KIF3B: variants seen among roughly 807,000 people sequenced by gnomAD.
KIF3B encodes kinesin family member 3B.
Under a neutral mutation model 74.3 loss-of-function variants are expected in KIF3B, and 38 were observed. The observed-to-expected ratio is 0.51, with a 90% confidence interval of 0.39 to 0.67. The LOEUF is 0.67. KIF3B is among the 30% of genes least tolerant of loss of function. The pLI is 0.00. For missense variants in KIF3B, 649 were observed against 932.0 expected (o/e 0.70, Z 3.95); for synonymous variants, 326 against 342.5 (o/e 0.95, Z 0.53).
At chr20:32,306,581 C>CTTTTTTTT (rs935086574) in intron 1 of KIF3B, among the ~76,000 whole-genome samples, 1 of 82,842 alleles carries the variant, frequency 1.2e-5, no homozygotes, top group Non-Finnish European at 2.2e-5. Flanking sequence ...AGTTTTTCCT[C>CTTTTTTTT]TTTTTTTTTT....
chr20:32,297,039 C>T (rs1240743745), intron 1 of KIF3B, among the ~76,000 whole-genome samples: 5 of 152,032 alleles, frequency 3.3e-5, no homozygotes, highest in Non-Finnish European at 5.9e-5. Context: ...ACAGCTGCTT[C>T]CCCCGAGAGA....
intron 1 of KIF3B, among the ~76,000 whole-genome samples, chr20:32,284,964 G>C (rs1349618790): frequency 6.6e-6 from 1 of 152,132 alleles, no homozygotes; most frequent in Non-Finnish European, 1.5e-5. Flanking sequence ...GACATCTGCT[G>C]ACTCCAAGTC....
At chr20:32,280,981 T>A (rs188258779) in intron 1 of KIF3B, among the ~76,000 whole-genome samples, 1 of 152,298 alleles carries the variant, frequency 6.6e-6, no homozygotes, top group Non-Finnish European at 1.5e-5. Context: ...CTAATCTGTT[T>A]TGTTGTGTCC....
chr20:32,281,654 C>T (rs1312312469), intron 1 of KIF3B, among the ~76,000 whole-genome samples: 1 of 152,106 alleles, frequency 6.6e-6, no homozygotes, highest in Non-Finnish European at 1.5e-5. Flanking sequence ...GAAGCAGAGG[C>T]TGCAGTAAGC....
chr20:32,316,773 G>A lies in KIF3B; in HGVS notation c.1647G>A (p.Gln549=). ...KKLKKLFSKL[Q]AVKAEIHDLQ... is the part of the protein sequence containing the mutation. ...CATTCCAGCTCTTCTCCAAGCTTCA[G>A]GCAGTGAAGGCTGAGATCCATGACC... The change falls in exon 5 of 9, where the codon CAG becomes CAA. Residue 549 remains glutamine (Q), a synonymous_variant. Transcript: ENST00000375712. 3 of 1,614,056 alleles carry A rather than the reference G, an allele frequency of 1.9e-6. No homozygotes were observed. Among genetic ancestry groups the A allele is most frequent in the Non-Finnish European group, 2.5e-6 (3 of 1,179,978 alleles).
At chr20:32,328,876 T>G (rs1359868652) in intron 7 of KIF3B, among the ~76,000 whole-genome samples, 1 of 152,142 alleles carries the variant, frequency 6.6e-6, no homozygotes, top group African/African-American at 2.4e-5. Flanking sequence ...AACTCTGCCA[T>G]GAGAGCCTCT....
At chr20:32,287,306 A>C (rs553922642) in intron 1 of KIF3B, among the ~76,000 whole-genome samples, 127 of 151,766 alleles carry the variant, frequency 8.4e-4, no homozygotes, top group Non-Finnish European at 1.3e-3. Flanking sequence ...GTGAGCCACC[A>C]GGCCCAATCT....
intron 1 of KIF3B, among the ~76,000 whole-genome samples, chr20:32,283,140 G>A (rs942874155): frequency 6.6e-6 from 1 of 152,132 alleles, no homozygotes; most frequent in African/African-American, 2.4e-5. Flanking sequence ...GGGCTCAAGT[G>A]ATCCTTCTAC....
rs1189487787 is a variant in KIF3B, at chr20:32,310,907, G to A, written c.1130G>A (p.Arg377Lys). 6.2e-7 allele frequency: 1 copy of A among 1,613,816 alleles called. No homozygotes were observed. Among genetic ancestry groups the A allele is most frequent in the Non-Finnish European group, 8.5e-7 (1 of 1,179,992 alleles). Residue 377 changes from arginine to lysine, a missense_variant, in exon 2 of 9, where the codon AGG (arginine) becomes AAG (lysine). By Grantham distance (26) the Arg-to-Lys change is conservative. Coordinates refer to ENST00000375712, the MANE Select transcript of KIF3B (RefSeq NM_004798.4). This position sits in a 1 kb window ranked among gnomAD's most constrained non-coding sequence, Gnocchi z 6.5. The part of the protein sequence containing the change: ...AQLEKRSIGR[R>K]KRREKRREGG... ...CTGGAAAAACGGTCCATTGGTAGGA[G>A]GAAGAGGCGAGAGAAGCGGAGGGAA...
intron 2 of KIF3B, among the ~76,000 whole-genome samples, chr20:32,312,738 A>G (rs8123269): frequency 0.015 from 2,272 of 152,182 alleles, 46 homozygotes; most frequent in African/African-American, 0.05. Context: ...TCTGCTGTGA[A>G]TGCTCTTGTG....
chr20:32,292,433 T>C (rs1052238139), intron 1 of KIF3B, among the ~76,000 whole-genome samples: 2 of 151,276 alleles, frequency 1.3e-5, no homozygotes, highest in African/African-American at 4.9e-5. Context: ...CCCCCCAACT[T>C]CTACAAACAA....
chr20:32,319,075 C>T (rs759784054), intron 5 of KIF3B, among the ~76,000 whole-genome samples: 1 of 151,980 alleles, frequency 6.6e-6, no homozygotes, highest in Non-Finnish European at 1.5e-5. Flanking sequence ...ATCCTCCCAC[C>T]TCAACCTCTG....
At chr20:32,300,216 C>T (rs918693815) in intron 1 of KIF3B, among the ~76,000 whole-genome samples, 5 of 152,092 alleles carry the variant, frequency 3.3e-5, no homozygotes, top group African/African-American at 4.8e-5. Flanking sequence ...TATCCTACTG[C>T]CTCAGCCTCC....
chr20:32,287,753 C>T (rs2047673780), intron 1 of KIF3B, among the ~76,000 whole-genome samples: 1 of 152,060 alleles, frequency 6.6e-6, no homozygotes, highest in Non-Finnish European at 1.5e-5. Flanking sequence ...CAGAATATCT[C>T]CTTCTCTCTC....
Position 32,285,284 on chromosome 20 carries a change from T to TA in KIF3B, c.-66+7520dup, listed in dbSNP as rs2047662545. ...TCAGGGTCCGAACAGCTGAAGCAGG[T>TA]AGGAACTGTGAGCTTGTATTCTGAG... On this transcript the variant is annotated intron_variant, in intron 1 of 8. Transcript: ENST00000375712. Among the ~76,000 whole-genome samples the TA allele has an allele frequency of 3.9e-5, 6 of 152,294 alleles. No individual in the cohort carries two copies. The South Asian group carries it at 1.2e-3, about 32-fold the overall frequency.
intron 1 of KIF3B, among the ~76,000 whole-genome samples, chr20:32,299,379 G>GTGTGTATATATATATATATA (rs1187264463): frequency 2.6e-4 from 6 of 23,096 alleles, no homozygotes; most frequent in African/African-American, 9.1e-4. Context: ...TGGTGTGTGT[G>GTGTGTATATATATATATATA]TATATATATA....
chr20:32,296,517 T>A (rs1312595284), intron 1 of KIF3B, among the ~76,000 whole-genome samples: 1 of 151,912 alleles, frequency 6.6e-6, no homozygotes, highest in Non-Finnish European at 1.5e-5. Context: ...CAAGAATCGC[T>A]TGAATGGGAG....
At chr20:32,331,135 A>G (rs776493202) in intron 8 of KIF3B, 88 bp from the exon 9 acceptor site, 20 of 989,574 alleles carry the variant, frequency 2.0e-5, no homozygotes, top group Non-Finnish European at 2.9e-5. Flanking sequence ...CCATTGAAGA[A>G]TGGCCTGAAA....
At chr20:32,329,345 T>C (rs1479256067) in intron 7 of KIF3B, among the ~76,000 whole-genome samples, 1 of 136,750 alleles carries the variant, frequency 7.3e-6, no homozygotes, top group Non-Finnish European at 1.5e-5. Context: ...ACTGGCCTTT[T>C]TTTTCTTTTT....
Sources: gnomAD v4.1 joint callset for allele counts (sites outside exome capture counted in the v4.1 genomes callset) on GRCh38, gnomAD v4.1.1 for gene constraint, Gnocchi (gnomAD v3.1) non-coding constraint, MANE v1.5 for transcripts, NCBI Gene and HGNC (gene_info 2026-07-23, HGNC 2026-07-21) for gene names.